JAKMIP1: variants seen among roughly 807,000 people sequenced by gnomAD.
JAKMIP1 encodes janus kinase and microtubule interacting protein 1, also known as janus kinase and microtubule-interacting protein 1.
Under a neutral mutation model 113.0 loss-of-function variants are expected in JAKMIP1, and 33 were observed. The ratio of observed to expected loss-of-function variants is 0.29; its 90% CI spans 0.22 to 0.39. The LOEUF is 0.39. Among genes scored for constraint, JAKMIP1 ranks in the 10% least tolerant of loss-of-function variants. JAKMIP1 has a pLI of 1.00. For missense variants in JAKMIP1, 813 were observed against 1,080.5 expected, an observed-to-expected ratio of 0.75 and a Z score of 3.47; for synonymous variants, 480 against 459.9, an observed-to-expected ratio of 1.04 and a Z score of -0.56.
Position 6,067,743 on chromosome 4 carries a change from T to C in JAKMIP1, c.1303-2735A>G, listed in dbSNP as rs868483746. 1.7e-4 allele frequency among the ~76,000 whole-genome samples: 24 copies of C among 144,206 alleles called. No individual in the cohort carries two copies. The highest frequency in any genetic ancestry group is 5.2e-4 in the African/African-American group (19 of 36,412). 94.6% of individuals were successfully genotyped at this position (144,206 alleles called of 152,430 possible). ...AGCTCCACGTTCACTCAAGCTCTTC[T>C]GCACACGCAGGTCACCCCCCTGAGC... On this transcript the variant is annotated intron_variant, in intron 8 of 20. Transcript: ENST00000409021. This position sits in a 1 kb window ranked among gnomAD's most constrained non-coding sequence, Gnocchi z 4.6.
rs1714256936 is a variant in JAKMIP1, at chr4:6,108,027, G to C, written c.130-2060C>G. ...GGTGAGGAACATGGAAGGGTGGGCA[G>C]AGGCCTGTGCAGGGCAGCCCGGGGC... On this transcript the variant is annotated intron_variant, in intron 2 of 20. Transcript: ENST00000409021. This position sits in a 1 kb window ranked among gnomAD's most constrained non-coding sequence, Gnocchi z 5.6. Among the ~76,000 whole-genome samples the C allele has an allele frequency of 6.6e-6, 1 of 152,194 alleles. No individual in the cohort carries two copies. The highest frequency in any genetic ancestry group is 2.1e-4 in the South Asian group (1 of 4,824).
rs192298115 is a variant in JAKMIP1, at chr4:6,116,650, C to T, written c.-147-3653G>A. Among the ~76,000 whole-genome samples the T allele has an allele frequency of 2.0e-5, 3 of 152,330 alleles. No homozygotes were observed. The East Asian group carries it at 5.8e-4, about 29-fold the overall frequency. On this transcript the variant is annotated intron_variant, in intron 1 of 20. Transcript: ENST00000409021. The surrounding 1 kb of genome is among the most constrained non-coding windows in gnomAD (Gnocchi z 5.1). ...CATCACATGTCCCCTGTCCCAGCCT[C>T]CAAGTCGTTTGTCTGTGCCTTGGCA...
In JAKMIP1 at chr4:6,137,533, C is replaced by T. The variant is rs1719419933; in HGVS notation, c.-147-24536G>A. ...GTCCTTTGCTCAGGGAAATCAGGAG[C>T]TGTGATTTGGTTGAACGTTCCAGAT... On this transcript the variant is annotated intron_variant, in intron 1 of 20. Transcript: ENST00000409021. This position sits in a 1 kb window ranked among gnomAD's most constrained non-coding sequence, Gnocchi z 4.5. Among the ~76,000 whole-genome samples the T allele has an allele frequency of 6.6e-6, 1 of 152,220 alleles. No individual in the cohort carries two copies. The highest frequency in any genetic ancestry group is 1.5e-5 in the Non-Finnish European group (1 of 68,038).
At chr4:6,070,747 T>G (rs140431616) in intron 8 of JAKMIP1, among the ~76,000 whole-genome samples, 44 of 152,348 alleles carry the variant, frequency 2.9e-4, no homozygotes, top group African/African-American at 9.9e-4. Context: ...ATAGGCACCC[T>G]AGACTTGCCA....
chr4:6,126,367 A>ACACGCACAAACACACAC (rs1717611419), intron 1 of JAKMIP1, among the ~76,000 whole-genome samples: 3 of 24,012 alleles, frequency 1.2e-4, no homozygotes, highest in African/African-American at 7.5e-4. Context: ...AGAAACACAC[A>ACACGCACAAACACACAC]CATGCACAAA....
At chr4:6,100,821 A>G (rs1225219617) in intron 3 of JAKMIP1, among the ~76,000 whole-genome samples, 2 of 152,172 alleles carry the variant, frequency 1.3e-5, no homozygotes, top group Non-Finnish European at 2.9e-5. Flanking sequence ...CTGATGATCA[A>G]TGAGGTAGAA....
At position 6,106,923 on chromosome 4, in the gene JAKMIP1, C is replaced by T. The variant is rs1714056326; in HGVS notation, c.130-956G>A. Among the ~76,000 whole-genome samples, 1 of 152,210 alleles carries T rather than the reference C, an allele frequency of 6.6e-6. No homozygotes were observed. Among genetic ancestry groups the T allele is most frequent in the South Asian group, 2.1e-4 (1 of 4,816 alleles). On this transcript the variant is annotated intron_variant, in intron 2 of 20. Transcript: ENST00000409021. The surrounding 1 kb of genome is among the most constrained non-coding windows in gnomAD (Gnocchi z 5.9). Reference sequence around the variant, plus strand: ...AATGGCAATGTTTTTCCCCAGACCACACTGTTGATAGCATAGTCACATGTT... The same window carrying T: ...AATGGCAATGTTTTTCCCCAGACCATACTGTTGATAGCATAGTCACATGTT...
At chr4:6,112,615 C>G (rs988669409) in intron 2 of JAKMIP1, 107 bp downstream of exon 2, 5 of 1,375,748 alleles carry the variant, frequency 3.6e-6, no homozygotes, top group Non-Finnish European at 4.0e-6. Flanking sequence ...AGTGCCCCCC[C>G]TCGGCCCCCC....
At position 6,133,122 on chromosome 4, in the gene JAKMIP1, G is replaced by A. The variant is rs1165814397; in HGVS notation, c.-147-20125C>T. 4.0e-5 allele frequency among the ~76,000 whole-genome samples: 6 copies of A among 151,886 alleles called. No homozygotes were observed. The East Asian group carries it at 9.6e-4, about 24-fold the overall frequency. ...AAGGAGCTCATAATGAAATAATATGGCCCAACAGAACACCAAAAAAACCTC... is the reference window on the plus strand; with the variant it reads ...AAGGAGCTCATAATGAAATAATATGACCCAACAGAACACCAAAAAAACCTC... On this transcript the variant is annotated intron_variant, in intron 1 of 20. Coordinates refer to ENST00000409021, the MANE Select transcript of JAKMIP1 (RefSeq NM_001099433.2).
intron 3 of JAKMIP1, among the ~76,000 whole-genome samples, chr4:6,090,464 T>C (rs974265773): frequency 1.3e-5 from 2 of 152,162 alleles, no homozygotes; most frequent in African/African-American, 4.8e-5. Context: ...ATAAATGTCA[T>C]TGTTGTAAGC....
intron 3 of JAKMIP1, among the ~76,000 whole-genome samples, chr4:6,090,503 TG>T: frequency 6.6e-6 from 1 of 152,292 alleles, no homozygotes; most frequent in African/African-American, 2.4e-5. Flanking sequence ...TTGTTACAGC[TG>T]CCCCCAGGAA....
At chr4:6,035,399 C>T (rs921235785) in intron 19 of JAKMIP1, among the ~76,000 whole-genome samples, 10 of 152,136 alleles carry the variant, frequency 6.6e-5, no homozygotes, top group Admixed American at 3.3e-4. Context: ...TGCTTCTTTC[C>T]CTTCCTCGTC....
chr4:6,050,746 G>A lies in JAKMIP1; in HGVS notation c.1807-67C>T, dbSNP rs1322097144. On this transcript the variant is annotated intron_variant, in intron 13 of 20. Transcript: ENST00000409021. The surrounding 1 kb of genome is among the most constrained non-coding windows in gnomAD (Gnocchi z 7.4). ...TATTTACCACTTGCCATTTTCCCAC[G>A]TTACTCAGCAAAAACCAAGGAATTC... is the stretch of plus-strand genomic sequence containing the variant. 9.2e-6 allele frequency: 12 copies of A among 1,305,754 alleles called. No individual in the cohort carries two copies. Among genetic ancestry groups the A allele is most frequent in the Admixed American group, 4.1e-5 (2 of 49,272 alleles). The allele number at this position is 1,305,754 out of a possible 1,614,324, so 80.9% of individuals were successfully genotyped here. A position where few individuals can be genotyped will look rare whatever the true frequency, so the allele number is the denominator to read the frequency against.
intron 1 of JAKMIP1, among the ~76,000 whole-genome samples, chr4:6,149,745 C>A (rs562331029): frequency 5.3e-5 from 8 of 152,306 alleles, no homozygotes; most frequent in Non-Finnish European, 7.4e-5. Flanking sequence ...TGACCCCCCA[C>A]CAGCACAGAG....
intron 1 of JAKMIP1, among the ~76,000 whole-genome samples, chr4:6,189,102 C>T (rs1252744520): frequency 2.0e-5 from 3 of 152,202 alleles, no homozygotes; most frequent in African/African-American, 7.2e-5. Context: ...TTGTCTTCCA[C>T]AGTGCATTCG....
At position 6,152,789 on chromosome 4, in the gene JAKMIP1, A is replaced by AATATATATAT. The variant is rs35192547; in HGVS notation, c.-147-39802_-147-39793dup. Among the ~76,000 whole-genome samples the AATATATATAT allele has an allele frequency of 1.3e-3, 175 of 135,254 alleles. 2 individuals are homozygous for AATATATATAT. Among genetic ancestry groups the AATATATATAT allele is most frequent in the African/African-American group, 4.1e-3 (142 of 34,904 alleles). The allele number at this position is 135,254 out of a possible 152,430, so 88.7% of individuals were successfully genotyped here. A position where few individuals can be genotyped will look rare whatever the true frequency, so the allele number is the denominator to read the frequency against. ...AAACTCTGTCTCTACTAAAAATACA[A>AATATATATAT]ATATATATATATATATATATACATA... On this transcript the variant is annotated intron_variant, in intron 1 of 20. Transcript: ENST00000409021.
intron 1 of JAKMIP1, among the ~76,000 whole-genome samples, chr4:6,121,185 G>A (rs1255468393): frequency 1.7e-5 from 2 of 119,948 alleles, no homozygotes; most frequent in African/African-American, 6.5e-5. Flanking sequence ...GGGCAACAGA[G>A]CCAGACCTTG....
intron 8 of JAKMIP1, among the ~76,000 whole-genome samples, chr4:6,066,407 C>T (rs934515732): frequency 1.3e-5 from 2 of 152,154 alleles, no homozygotes; most frequent in Non-Finnish European, 2.9e-5. Context: ...GCATTTGGCA[C>T]CTGTCTTTCT....
rs184877424 is a variant in JAKMIP1 at position 6,181,611 on chromosome 4, G to C, written c.-148+18642C>G. 2.6e-5 allele frequency among the ~76,000 whole-genome samples: 4 copies of C among 152,324 alleles called. No individual in the cohort carries two copies. The East Asian group carries it at 7.7e-4, about 29-fold the overall frequency. On this transcript the variant is annotated intron_variant, in intron 1 of 20. Transcript: ENST00000409021. The surrounding 1 kb of genome is among the most constrained non-coding windows in gnomAD (Gnocchi z 5.4). ...GAAGGGACATCCAAAGTGGGCTGTG[G>C]AAGGGGTGAAATCAGGATATGCAGA...
Sources: allele counts gnomAD v4.1 joint callset (sites outside exome capture counted in the v4.1 genomes callset), GRCh38; gene constraint gnomAD v4.1.1; non-coding constraint Gnocchi (gnomAD v3.1); transcripts MANE v1.5; gene names NCBI Gene and HGNC (gene_info 2026-07-23, HGNC 2026-07-21).